Variants in CDH13 observed in about 807,000 individuals in gnomAD.
CDH13 encodes the protein cadherin 13.
In CDH13, 24 loss-of-function variants were observed where a neutral mutation model predicts 63.8. That is an observed-to-expected ratio of 0.38 (90% confidence interval 0.27 to 0.53). The LOEUF (loss-of-function observed/expected upper bound fraction) is 0.53. Among genes scored for constraint, CDH13 ranks in the 20% least tolerant of loss-of-function variants. The pLI, the probability that CDH13 is intolerant of heterozygous loss-of-function variation, is 0.85. For synonymous variants in CDH13, 503 were observed against 355.3 expected (o/e 1.42, Z -4.67); for missense variants, 1,049 against 903.1 (o/e 1.16, Z -2.07).
rs757147309 is a variant in CDH13, at chr16:83,783,435, G to A, written c.2097G>A (p.Leu699=). Residue 699 remains leucine (L), a synonymous_variant, in exon 13 of 14, where the codon CTG becomes CTA. Transcript: ENST00000567109. ...CNAAGALRFS[L]PSVLLLSLFS... ...CGGCAGGGGCCCTGCGCTTCAGCCT[G>A]CCCTCAGTCCTGCTCCTCAGCCTCT... The A allele has an allele frequency of 6.8e-6, 11 of 1,613,832 alleles. No homozygotes were observed. The African/African-American group carries it at 1.3e-4, about 20-fold the overall frequency.
intron 3 of CDH13, among the ~76,000 whole-genome samples, chr16:83,089,756 G>T (rs1414831912): frequency 2.6e-5 from 4 of 152,216 alleles, no homozygotes; most frequent in African/African-American, 9.6e-5. Context: ...TCGGAAATGG[G>T]ATCTAAGTAA....
chr16:82,753,744 C>T (rs985134020), intron 1 of CDH13, among the ~76,000 whole-genome samples: 2 of 152,256 alleles, frequency 1.3e-5, no homozygotes, highest in African/African-American at 2.4e-5. Context: ...GGCTTGACCT[C>T]GATTAATGGG....
At chr16:83,437,967 C>G (rs565080057) in intron 6 of CDH13, among the ~76,000 whole-genome samples, 1 of 152,156 alleles carries the variant, frequency 6.6e-6, no homozygotes, top group Non-Finnish European at 1.5e-5. Flanking sequence ...TCCATCCATC[C>G]TCCTGGCCAC....
intron 5 of CDH13, among the ~76,000 whole-genome samples, chr16:83,251,929 C>A (rs1438910219): frequency 6.6e-6 from 1 of 151,918 alleles, no homozygotes; most frequent in Non-Finnish European, 1.5e-5. Flanking sequence ...AATCTATAGC[C>A]CCTGAGGGAG....
At chr16:83,462,903 C>G (rs932336372) in intron 6 of CDH13, among the ~76,000 whole-genome samples, 21 of 152,186 alleles carry the variant, frequency 1.4e-4, no homozygotes, top group African/African-American at 5.1e-4. Context: ...ACCTGGTGGC[C>G]TCTGAGCCAT....
chr16:83,022,917 A>T (rs1373262032), intron 2 of CDH13: 1 of 152,202 alleles, frequency 6.6e-6, no homozygotes, highest in African/African-American at 2.4e-5. Flanking sequence ...TGCAAGCAGG[A>T]CTGTTCTATA....
intron 6 of CDH13, among the ~76,000 whole-genome samples, chr16:83,445,606 T>C (rs1326969928): frequency 2.6e-5 from 4 of 152,206 alleles, no homozygotes; most frequent in Non-Finnish European, 5.9e-5. Flanking sequence ...CTTTAATTTC[T>C]CTCTGCACAT....
intron 3 of CDH13, among the ~76,000 whole-genome samples, chr16:83,035,218 TG>T (rs1916741276): frequency 6.6e-6 from 1 of 152,154 alleles, no homozygotes; most frequent in South Asian, 2.1e-4. Context: ...TGCAGCCAAG[TG>T]GGCCAGCTGC....
chr16:83,213,279 T>A (rs968406692), intron 4 of CDH13, among the ~76,000 whole-genome samples: 12 of 152,268 alleles, frequency 7.9e-5, no homozygotes, highest in African/African-American at 2.4e-4. Context: ...AGAAAATGAC[T>A]GAGACCCACC....
chr16:83,057,014 T>C (rs1392001897), intron 3 of CDH13, among the ~76,000 whole-genome samples: 1 of 152,180 alleles, frequency 6.6e-6, no homozygotes, highest in African/African-American at 2.4e-5. Flanking sequence ...GTCGCCAGTC[T>C]GGAGTGCAGT....
chr16:83,799,794 T>A lies in CDH13; in HGVS notation c.*4764T>A, dbSNP rs1017760141. ...TATGCAATGTGTTACCCTTACTATA[T>A]TTCCTATTGCTAATAGATTAGCCCA... On this transcript the variant is annotated 3_prime_UTR_variant, in exon 14 of 14. Coordinates refer to ENST00000567109, the MANE Select transcript of CDH13 (RefSeq NM_001257.5). 55 of 152,320 alleles carry A rather than the reference T, an allele frequency of 3.6e-4. No individual in the cohort carries two copies. The highest frequency in any genetic ancestry group is 1.3e-3 in the African/African-American group (53 of 41,568). 9.4% of individuals were successfully genotyped at this position (152,320 alleles called of 1,614,324 possible).
intron 5 of CDH13, among the ~76,000 whole-genome samples, chr16:83,341,989 C>CCCCACACACACACACACACA (rs767233245): frequency 1.3e-4 from 18 of 138,068 alleles, no homozygotes; most frequent in Non-Finnish European, 2.6e-4. Context: ...GTGTCCCCTG[C>CCCCACACACACACACACACA]CACACACACA....
intron 13 of CDH13, among the ~76,000 whole-genome samples, chr16:83,784,629 C>G (rs376396981): frequency 1.4e-4 from 16 of 112,050 alleles, no homozygotes; most frequent in African/African-American, 5.6e-4. Context: ...AAGGCTCTGT[C>G]TCAAAAAAAA....
chr16:83,578,235 A>C (rs911406412), intron 7 of CDH13, among the ~76,000 whole-genome samples: 1 of 152,182 alleles, frequency 6.6e-6, no homozygotes, highest in African/African-American at 2.4e-5. Flanking sequence ...AAGAGTGTCT[A>C]GTCATTCTTG....
At chr16:82,799,647 A>G (rs2036754821) in intron 1 of CDH13, among the ~76,000 whole-genome samples, 3 of 152,348 alleles carry the variant, frequency 2.0e-5, no homozygotes, top group Admixed American at 1.3e-4. Flanking sequence ...TAGTTGGTTC[A>G]GCACATTTTC....
intron 5 of CDH13, among the ~76,000 whole-genome samples, chr16:83,283,766 T>G (rs965439259): frequency 6.6e-6 from 1 of 152,184 alleles, no homozygotes; most frequent in African/African-American, 2.4e-5. Flanking sequence ...GAAATAACCT[T>G]CTTTTTGGAA....
At chr16:82,847,503 A>T (rs11649417) in intron 1 of CDH13, among the ~76,000 whole-genome samples, 1 of 151,988 alleles carries the variant, frequency 6.6e-6, no homozygotes. Flanking sequence ...CACCTTCATC[A>T]TCACATCTCT....
At chr16:83,064,586 A>G (rs2031847628) in intron 3 of CDH13, among the ~76,000 whole-genome samples, 2 of 152,230 alleles carry the variant, frequency 1.3e-5, no homozygotes, top group Admixed American at 6.5e-5. Context: ...CAACATAAAA[A>G]GCAATGAGAT....
chr16:83,737,651 C>A (rs1911663780), intron 10 of CDH13, among the ~76,000 whole-genome samples: 1 of 152,126 alleles, frequency 6.6e-6, no homozygotes, highest in African/African-American at 2.4e-5. Context: ...AATGGTGGTT[C>A]TCAAACTTTG....
Sources: gnomAD v4.1 joint callset for allele counts (sites outside exome capture counted in the v4.1 genomes callset) on GRCh38, gnomAD v4.1.1 for gene constraint, MANE v1.5 for transcripts, NCBI Gene and HGNC (gene_info 2026-07-23, HGNC 2026-07-21) for gene names.